Variants in CBL observed in about 807,000 individuals in gnomAD.
The protein encoded by CBL is Cbl proto-oncogene.
Under a neutral mutation model 96.9 loss-of-function variants are expected in CBL, and 45 were observed. The ratio of observed to expected loss-of-function variants is 0.46; its 90% CI spans 0.37 to 0.60. The LOEUF (loss-of-function observed/expected upper bound fraction) is 0.60, where lower values mean the gene tolerates loss of function less well. CBL is among the 20% of genes least tolerant of loss of function. The probability of loss-of-function intolerance (pLI) is 0.00; values close to 1 mark genes in which losing one functional copy is unlikely to be tolerated. For synonymous variants in CBL, 420 were observed against 426.8 expected, an observed-to-expected ratio of 0.98 and a Z score of 0.20; for missense variants, 1,024 against 1,143.5, an observed-to-expected ratio of 0.90 and a Z score of 1.51.
intron 2 of CBL, among the ~76,000 whole-genome samples, chr11:119,257,322 T>C (rs1949719255): frequency 1.3e-5 from 2 of 152,244 alleles, no homozygotes; most frequent in Admixed American, 1.3e-4. Context: ...TAAGGTGGTA[T>C]CTCATTGTGG....
rs1950150339 is a variant in CBL, at chr11:119,307,210, A to G, written c.*7429A>G. The G allele has an allele frequency of 8.6e-6, 2 of 232,250 alleles. No individual in the cohort carries two copies. The highest frequency in any genetic ancestry group is 4.4e-5 in the African/African-American group (2 of 45,240). The allele number at this position is 232,250 out of a possible 1,614,324, so 14.4% of individuals were successfully genotyped here. On this transcript the variant is annotated 3_prime_UTR_variant, in exon 16 of 16. Coordinates refer to ENST00000264033, the MANE Select transcript of CBL (RefSeq NM_005188.4). ...CCCTGGGATCATTTGGTTGGTTCCA[A>G]TCACAAGCTTAGTTATCAGGTTGCA...
chr11:119,245,255 T>C (rs572971746), intron 2 of CBL, among the ~76,000 whole-genome samples: 27 of 152,024 alleles, frequency 1.8e-4, no homozygotes, highest in African/African-American at 6.3e-4. Context: ...CTCAGCCTTT[T>C]GGTTTGAGGA....
intron 1 of CBL, among the ~76,000 whole-genome samples, chr11:119,223,688 G>A (rs1216324031): frequency 1.3e-5 from 2 of 150,204 alleles, no homozygotes; most frequent in East Asian, 3.9e-4. Context: ...GTGCAGTGGC[G>A]TGATCTCAGC....
At chr11:119,225,884 C>T (rs543792739) in intron 1 of CBL, among the ~76,000 whole-genome samples, 178 of 152,160 alleles carry the variant, frequency 1.2e-3, no homozygotes, top group African/African-American at 3.8e-3. Flanking sequence ...TGTGCCACCA[C>T]GCTTGGCTAA....
intron 11 of CBL, among the ~76,000 whole-genome samples, chr11:119,285,809 T>C (rs921182236): frequency 6.1e-4 from 93 of 152,070 alleles, no homozygotes; most frequent in Non-Finnish European, 2.1e-4. Flanking sequence ...GGTGGGAATA[T>C]TGCTTGGGCC....
intron 1 of CBL, among the ~76,000 whole-genome samples, chr11:119,227,193 A>AAT (rs1949465684): frequency 6.6e-6 from 1 of 152,218 alleles, no homozygotes; most frequent in African/African-American, 2.4e-5. Context: ...AGCACTTTAT[A>AAT]ATAAAGTAGT....
At chr11:119,214,291 C>T (rs902254714) in intron 1 of CBL, among the ~76,000 whole-genome samples, 1 of 150,982 alleles carries the variant, frequency 6.6e-6, no homozygotes. Flanking sequence ...CCCAGGCTGG[C>T]GTACAGTCTC....
intron 2 of CBL, among the ~76,000 whole-genome samples, chr11:119,265,834 C>A (rs1449746832): frequency 6.6e-6 from 1 of 152,050 alleles, no homozygotes; most frequent in Non-Finnish European, 1.5e-5. Flanking sequence ...ACCAGCCTGA[C>A]CAACATGGAG....
chr11:119,297,021 TC>T lies in CBL; in HGVS notation c.2143del (p.Gln715ArgfsTer151). On this transcript the variant is annotated frameshift_variant, in exon 13 of 16. Transcript: ENST00000264033. LOFTEE classifies it high-confidence loss of function. ...CAGGCCTCTACGGCCTTTGGATACA[TC>T]CCAGAGTTCACGGTAGGTTCACAAC... ...SSRPLRPLDTSQSSRACDCDQ... is the reference protein window; with the variant it reads ...SSRPLRPLDTXQSSRACDCDQ... The T allele has an allele frequency of 6.4e-7, 1 of 1,569,334 alleles. No homozygotes were observed. Among genetic ancestry groups the T allele is most frequent in the Non-Finnish European group, 8.8e-7 (1 of 1,139,122 alleles).
intron 1 of CBL, among the ~76,000 whole-genome samples, chr11:119,218,094 A>G (rs555411764): frequency 1.3e-5 from 2 of 152,214 alleles, no homozygotes; most frequent in African/African-American, 4.8e-5. Flanking sequence ...GGAAAAAGGA[A>G]AAGAAACAGC....
chr11:119,281,758 C>T (rs1592402955), intron 9 of CBL, among the ~76,000 whole-genome samples: 1 of 151,980 alleles, frequency 6.6e-6, no homozygotes, highest in African/African-American at 2.4e-5. Context: ...CGGCCTCCCA[C>T]AGTGCTGGGA....
chr11:119,267,464 TAA>T (rs149046967), intron 2 of CBL, among the ~76,000 whole-genome samples: 2,378 of 152,280 alleles, frequency 0.016, 71 homozygotes, highest in African/African-American at 0.054. Flanking sequence ...AAAATTATTT[TAA>T]GAGCCAAAGA....
intron 2 of CBL, among the ~76,000 whole-genome samples, chr11:119,254,434 C>T (rs1404745134): frequency 6.6e-6 from 1 of 152,016 alleles, no homozygotes; most frequent in African/African-American, 2.4e-5. Flanking sequence ...ATGATACAGC[C>T]GCCCACACAC....
chr11:119,285,202 C>G lies in CBL; in HGVS notation c.1577C>G (p.Ser526Cys). The G allele has an allele frequency of 6.2e-7, 1 of 1,614,180 alleles. No individual in the cohort carries two copies. Among genetic ancestry groups the G allele is most frequent in the Non-Finnish European group, 8.5e-7 (1 of 1,180,034 alleles). The change falls in exon 11 of 16, where the codon TCC (serine) becomes TGC (cysteine). Residue 526 changes from serine to cysteine, a missense_variant. This residue lies in a region of CBL where 695 missense variants were observed against 661.6 expected (regional missense o/e 1.05). Coordinates refer to ENST00000264033, the MANE Select transcript of CBL (RefSeq NM_005188.4). The stretch of plus-strand genomic sequence containing the variant: ...CTGCTTCCACAGGCTGCTTCTGGCT[C>G]CCTTCATAAAGACAAACCATTGCCA... ...LGTASKAASG[S>C]LHKDKPLPVP...
intron 12 of CBL, among the ~76,000 whole-genome samples, chr11:119,295,821 C>T (rs1950059306): frequency 6.6e-6 from 1 of 152,150 alleles, no homozygotes; most frequent in African/African-American, 2.4e-5. Context: ...ATACTGATCA[C>T]CTGGATTCTA....
At chr11:119,268,342 C>T in intron 2 of CBL, among the ~76,000 whole-genome samples, 1 of 152,054 alleles carries the variant, frequency 6.6e-6, no homozygotes, top group East Asian at 1.9e-4. Flanking sequence ...GGAATGACCA[C>T]AGATTGGCAA....
intron 2 of CBL, among the ~76,000 whole-genome samples, chr11:119,265,309 G>A (rs968849483): frequency 2.6e-5 from 4 of 152,076 alleles, no homozygotes; most frequent in African/African-American, 9.7e-5. Context: ...ATATTTCTGT[G>A]TTAATTCTTC....
intron 2 of CBL, among the ~76,000 whole-genome samples, chr11:119,246,910 TTATA>T (rs1455079804): frequency 6.6e-6 from 1 of 152,236 alleles, no homozygotes; most frequent in Non-Finnish European, 1.5e-5. Context: ...ATTGACTAGG[TTATA>T]GAGATTTTTC....
At chr11:119,256,637 T>G (rs1216807220) in intron 2 of CBL, among the ~76,000 whole-genome samples, 3 of 152,056 alleles carry the variant, frequency 2.0e-5, no homozygotes, top group Admixed American at 2.0e-4. Context: ...TCTGAGATTT[T>G]GGTGCACCCA....
Sources: allele counts gnomAD v4.1 joint callset (sites outside exome capture counted in the v4.1 genomes callset), GRCh38; gene constraint gnomAD v4.1.1; regional missense constraint gnomAD v4.1.1; transcripts MANE v1.5; gene names NCBI Gene and HGNC (gene_info 2026-07-23, HGNC 2026-07-21).